The following RBFOX3 variants were observed in gnomAD, a reference collection of about 807,000 sequenced individuals.
The protein encoded by RBFOX3 is RNA binding fox-1 homolog 3.
In RBFOX3, 17 loss-of-function variants were observed where a neutral mutation model predicts 48.7. That is an observed-to-expected ratio of 0.35 (90% CI 0.24 to 0.52). The LOEUF (loss-of-function observed/expected upper bound fraction) is 0.52. Ranked by LOEUF, RBFOX3 falls within the 20% of genes least tolerant of loss-of-function variation. The pLI, the probability that RBFOX3 is intolerant of heterozygous loss-of-function variation, is 0.94. For synonymous variants in RBFOX3, 212 were observed against 209.5 expected, an observed-to-expected ratio of 1.01 and a Z score of -0.10; for missense variants, 382 against 497.5, an observed-to-expected ratio of 0.77 and a Z score of 2.21.
intron 2 of RBFOX3, among the ~76,000 whole-genome samples, chr17:79,433,487 C>G (rs1555729461): frequency 6.6e-6 from 1 of 152,226 alleles, no homozygotes; most frequent in African/African-American, 2.4e-5. Context: ...CTTTTACCAA[C>G]AGAATGTGAG....
chr17:79,663,673 G>A, the RBFOX3 span, among the ~76,000 whole-genome samples: 1 of 152,154 alleles, frequency 6.6e-6, no homozygotes, highest in African/African-American at 2.4e-5. Flanking sequence ...AATCAAGGAT[G>A]TATTTGGCCC....
intron 2 of RBFOX3, among the ~76,000 whole-genome samples, chr17:79,319,061 G>A (rs1162647023): frequency 6.6e-6 from 1 of 152,016 alleles, no homozygotes; most frequent in African/African-American, 2.4e-5. Flanking sequence ...TGGAAGGAGG[G>A]AAGACATGAG....
intron 4 of RBFOX3, among the ~76,000 whole-genome samples, chr17:79,160,508 C>T (rs926978769): frequency 7.9e-5 from 12 of 152,208 alleles, no homozygotes; most frequent in South Asian, 2.1e-4. Flanking sequence ...CTGCAGCTGT[C>T]CCTCCTGCTG....
At chr17:79,453,914 G>C (rs1555743148) in intron 2 of RBFOX3, among the ~76,000 whole-genome samples, 1 of 152,142 alleles carries the variant, frequency 6.6e-6, no homozygotes, top group Non-Finnish European at 1.5e-5. Flanking sequence ...GCTGAGTTCT[G>C]GGATCCCTTG....
At chr17:79,131,695 A>G (rs1247522955) in intron 4 of RBFOX3, among the ~76,000 whole-genome samples, 1 of 152,214 alleles carries the variant, frequency 6.6e-6, no homozygotes, top group African/African-American at 2.4e-5. Flanking sequence ...ATTTAAGACC[A>G]TTATTGGAAG....
chr17:79,106,713 G>A lies in RBFOX3; in HGVS notation c.298C>T (p.Arg100Trp). 1 of 1,499,880 alleles carries A rather than the reference G, an allele frequency of 6.7e-7. No individual in the cohort carries two copies. The highest frequency in any genetic ancestry group is 8.9e-7 in the Non-Finnish European group (1 of 1,128,776). 92.9% of individuals were successfully genotyped at this position (1,499,880 alleles called of 1,614,324 possible). A position where few individuals can be genotyped will look rare whatever the true frequency, so the allele number is the denominator to read the frequency against. Residue 100 changes from arginine (R) to tryptophan (W), a missense_variant, in exon 6 of 15, where the codon CGG becomes TGG. Coordinates refer to ENST00000693108, the MANE Select transcript of RBFOX3 (RefSeq NM_001350451.2). Reference sequence around the variant, plus strand: ...AAGGGGATGTTGGAGACGTGTAGCCGCTTGGGCTGCTGCTTCTCTGTAGGG... The same window carrying A: ...AAGGGGATGTTGGAGACGTGTAGCCACTTGGGCTGCTGCTTCTCTGTAGGG... ...SDPTEKQQPK[R>W]LHVSNIPFRF...
chr17:79,178,009 G>A (rs901096940), intron 4 of RBFOX3, among the ~76,000 whole-genome samples: 2 of 152,116 alleles, frequency 1.3e-5, no homozygotes, highest in Non-Finnish European at 2.9e-5. Flanking sequence ...CAGCCCACAT[G>A]CCCCGCCGAG....
chr17:79,625,869 G>T, the RBFOX3 span, among the ~76,000 whole-genome samples: 8,740 of 152,278 alleles, frequency 0.057, 818 homozygotes, highest in African/African-American at 0.2. Context: ...GTGCGCAGAC[G>T]GGGGTGGCTG....
the RBFOX3 span, among the ~76,000 whole-genome samples, chr17:79,630,276 G>C: frequency 6.6e-6 from 1 of 152,214 alleles, no homozygotes; most frequent in South Asian, 2.1e-4. Context: ...AGGGAAACAC[G>C]GTCGGCCAAG....
chr17:79,505,561 G>A (rs942500389), intron 1 of RBFOX3, among the ~76,000 whole-genome samples: 9 of 152,114 alleles, frequency 5.9e-5, no homozygotes, highest in South Asian at 2.1e-4. Flanking sequence ...GATACTGATG[G>A]CGGAGTCTGC....
chr17:79,112,801 G>A (rs1157240004), intron 5 of RBFOX3, among the ~76,000 whole-genome samples: 1 of 151,868 alleles, frequency 6.6e-6, no homozygotes, highest in East Asian at 1.9e-4. Context: ...CCCCTTGGGC[G>A]AGAGGGCGGG....
intron 2 of RBFOX3, among the ~76,000 whole-genome samples, chr17:79,463,462 CACCACT>C (rs1414426481): frequency 1.1e-4 from 15 of 135,882 alleles, no homozygotes; most frequent in Admixed American, 7.5e-5. Context: ...CCACCGCCAT[CACCACT>C]GCCACCTCCA....
chr17:79,626,126 G>A, the RBFOX3 span, among the ~76,000 whole-genome samples: 1 of 152,182 alleles, frequency 6.6e-6, no homozygotes, highest in Non-Finnish European at 1.5e-5. Flanking sequence ...TTACATGACA[G>A]TGGGAGAACA....
chr17:79,376,775 C>T (rs189269549), intron 2 of RBFOX3, among the ~76,000 whole-genome samples: 129 of 152,234 alleles, frequency 8.5e-4, no homozygotes, highest in Non-Finnish European at 1.1e-3. Context: ...GATGGGGGTG[C>T]TTCTTTCACC....
At chr17:79,476,856 G>T (rs2077846656) in intron 2 of RBFOX3, among the ~76,000 whole-genome samples, 1 of 151,596 alleles carries the variant, frequency 6.6e-6, no homozygotes, top group Non-Finnish European at 1.5e-5. Context: ...AGGAGGAAGA[G>T]GAGGGGGAAT....
chr17:79,225,132 C>T (rs1465253435), intron 4 of RBFOX3, among the ~76,000 whole-genome samples: 1 of 152,084 alleles, frequency 6.6e-6, no homozygotes, highest in African/African-American at 2.4e-5. Context: ...ATCCAGTCTT[C>T]AGTGAAAGGT....
At chr17:79,356,005 C>T (rs2084912499) in intron 2 of RBFOX3, among the ~76,000 whole-genome samples, 1 of 152,184 alleles carries the variant, frequency 6.6e-6, no homozygotes, top group Non-Finnish European at 1.5e-5. Context: ...TGGCTCACTC[C>T]TAACTCCAAA....
rs78180470 is a variant in RBFOX3, at chr17:79,288,477, GC to G, written c.-74+19246del. Among the ~76,000 whole-genome samples the G allele has an allele frequency of 8.6e-5, 13 of 151,306 alleles. 1 individual carries two copies. In the South Asian group the frequency reaches 1.7e-3, roughly 19 times the overall value. Reference sequence around the variant, plus strand: ...CCACTGCCCCTTTCCATTCTCTGCAGCCCCCCCCAGCCCGGCTTCCAGCCCC... The same window carrying G: ...CCACTGCCCCTTTCCATTCTCTGCAGCCCCCCCAGCCCGGCTTCCAGCCCC... On this transcript the variant is annotated intron_variant, in intron 3 of 14. Coordinates refer to ENST00000693108, the MANE Select transcript of RBFOX3 (RefSeq NM_001350451.2).
At chr17:79,519,804 G>A (rs934258421) in intron 1 of RBFOX3, among the ~76,000 whole-genome samples, 2 of 152,124 alleles carry the variant, frequency 1.3e-5, no homozygotes, top group Non-Finnish European at 2.9e-5. Flanking sequence ...ACACCAGGGC[G>A]GGGGTGAGCG....
Sources: allele counts gnomAD v4.1 joint callset (sites outside exome capture counted in the v4.1 genomes callset), GRCh38; gene constraint gnomAD v4.1.1; transcripts MANE v1.5; gene names NCBI Gene and HGNC (gene_info 2026-07-23, HGNC 2026-07-21).